Variants in MAP7 observed in about 807,000 individuals in gnomAD.
The protein encoded by MAP7 is ensconsin.
Under a neutral mutation model 94.8 loss-of-function variants are expected in MAP7, and 52 were observed. The observed-to-expected ratio is 0.55, with a 90% CI of 0.44 to 0.69. The LOEUF (loss-of-function observed/expected upper bound fraction) is 0.69, where lower values mean the gene tolerates loss of function less well. Among genes scored for constraint, MAP7 ranks in the 30% least tolerant of loss-of-function variants. The probability of loss-of-function intolerance (pLI) is 0.00; values close to 1 mark genes in which losing one functional copy is unlikely to be tolerated. For missense variants in MAP7, 940 were observed against 964.6 expected (o/e 0.97, Z 0.34); for synonymous variants, 350 against 357.0 (o/e 0.98, Z 0.22).
At chr6:136,476,072 C>T (rs1583020709) in intron 1 of MAP7, 1 of 152,162 alleles carries the variant, frequency 6.6e-6, no homozygotes, top group Non-Finnish European at 1.5e-5. Context: ...GCAGAAAGCT[C>T]GTGGGGCAAT....
At chr6:136,496,861 G>A (rs915619013) in intron 1 of MAP7, among the ~76,000 whole-genome samples, 1 of 150,962 alleles carries the variant, frequency 6.6e-6, no homozygotes, top group African/African-American at 2.4e-5. Context: ...GGCTGAGGCA[G>A]AAGAATTGCT....
intron 16 of MAP7, among the ~76,000 whole-genome samples, chr6:136,349,803 G>A (rs1582631042): frequency 6.6e-6 from 1 of 152,120 alleles, no homozygotes; most frequent in African/African-American, 2.4e-5. Context: ...TGGCTTTGGG[G>A]CAAAGGGGCC....
At chr6:136,505,289 A>G (rs1277360569) in intron 1 of MAP7, among the ~76,000 whole-genome samples, 7 of 125,378 alleles carry the variant, frequency 5.6e-5, no homozygotes, top group African/African-American at 2.2e-4. Context: ...ATATATATAT[A>G]TATATATATA....
intron 1 of MAP7, among the ~76,000 whole-genome samples, chr6:136,478,979 C>CAAAAAAAAAAAAAAAAAAAAGAAAAAAA (rs59319740): frequency 4.4e-5 from 2 of 45,524 alleles, no homozygotes; most frequent in Non-Finnish European, 6.3e-5. Context: ...ACAGACACAT[C>CAAAAAAAAAAAAAAAAAAAAGAAAAAAA]AAAAAAAAAA....
intron 15 of MAP7, among the ~76,000 whole-genome samples, 173 bp downstream of exon 15, chr6:136,359,647 T>C (rs1313775592): frequency 3.3e-5 from 5 of 152,126 alleles, no homozygotes; most frequent in Non-Finnish European, 7.4e-5. Context: ...GTAGAAACAC[T>C]AGACAGTTTT....
intron 3 of MAP7, among the ~76,000 whole-genome samples, chr6:136,397,455 G>A (rs954680010): frequency 9.9e-5 from 15 of 152,058 alleles, no homozygotes; most frequent in Admixed American, 7.2e-4. Context: ...TTGAATACAC[G>A]AAAAAATTCA....
intron 1 of MAP7, among the ~76,000 whole-genome samples, chr6:136,459,352 T>C (rs1804420776): frequency 6.6e-6 from 1 of 151,888 alleles, no homozygotes. Flanking sequence ...AGTATAAAGG[T>C]TCCTCAAAAA....
chr6:136,463,379 G>T (rs1805897081), intron 1 of MAP7, among the ~76,000 whole-genome samples: 1 of 152,184 alleles, frequency 6.6e-6, no homozygotes, highest in Admixed American at 6.5e-5. Flanking sequence ...GAGGCTCAAA[G>T]AAGTAATTTG....
chr6:136,494,380 G>C (rs1038986569), intron 1 of MAP7, among the ~76,000 whole-genome samples: 1 of 152,056 alleles, frequency 6.6e-6, no homozygotes, highest in Non-Finnish European at 1.5e-5. Context: ...AGTTATTTTA[G>C]CAAACATATT....
chr6:136,477,973 T>C (rs1028415466), intron 1 of MAP7, among the ~76,000 whole-genome samples: 1 of 152,248 alleles, frequency 6.6e-6, no homozygotes, highest in Non-Finnish European at 1.5e-5. Flanking sequence ...CTGATCACAA[T>C]AGAATAAAAC....
At chr6:136,443,394 C>T (rs777739535) in intron 1 of MAP7, among the ~76,000 whole-genome samples, 3 of 150,556 alleles carry the variant, frequency 2.0e-5, no homozygotes, top group Non-Finnish European at 4.4e-5. Flanking sequence ...AAGCAGTTTC[C>T]AGATTCTTTC....
intron 16 of MAP7, among the ~76,000 whole-genome samples, chr6:136,350,267 T>G (rs1442787825): frequency 6.6e-6 from 1 of 152,138 alleles, no homozygotes; most frequent in Non-Finnish European, 1.5e-5. Flanking sequence ...GATCTATAAC[T>G]CTACTTGAGG....
At chr6:136,352,272 C>T (rs946180160) in intron 16 of MAP7, among the ~76,000 whole-genome samples, 4 of 151,108 alleles carry the variant, frequency 2.6e-5, no homozygotes, top group South Asian at 2.1e-4. Flanking sequence ...ACTGCAGCCT[C>T]GACCTCCTGA....
At chr6:136,505,283 A>G (rs1393850706) in intron 1 of MAP7, among the ~76,000 whole-genome samples, 89 of 116,796 alleles carry the variant, frequency 7.6e-4, no homozygotes, top group African/African-American at 3.0e-3. Flanking sequence ...GTGTGTATAT[A>G]TATATATATA....
chr6:136,432,089 T>TA lies in MAP7; in HGVS notation c.68-10291dup, dbSNP rs1795097057. 2.6e-5 allele frequency among the ~76,000 whole-genome samples: 4 copies of TA among 152,322 alleles called. No homozygotes were observed. In the South Asian group the frequency reaches 8.3e-4, roughly 32 times the overall value. On this transcript the variant is annotated intron_variant, in intron 1 of 17. Transcript: ENST00000354570. ...ACAGAGACTCAGGCCCTGACATCTTTAAGTTGCTGGTCTAGTATCAGCAAC... is the reference window on the plus strand; with the variant it reads ...ACAGAGACTCAGGCCCTGACATCTTTAAAGTTGCTGGTCTAGTATCAGCAAC...
intron 1 of MAP7, among the ~76,000 whole-genome samples, chr6:136,549,254 T>A (rs1829954769): frequency 6.6e-6 from 1 of 152,148 alleles, no homozygotes; most frequent in South Asian, 2.1e-4. Flanking sequence ...ATTGTGACCG[T>A]ATGGAAGTGG....
rs551849349 is a variant in MAP7 at position 136,501,768 on chromosome 6, T to C, written c.67+48574A>G. 1.4e-3 allele frequency among the ~76,000 whole-genome samples: 217 copies of C among 152,216 alleles called. 1 individual carries two copies. Among genetic ancestry groups the C allele is most frequent in the Non-Finnish European group, 2.6e-3 (176 of 68,008 alleles). On this transcript the variant is annotated intron_variant, in intron 1 of 17. Transcript: ENST00000354570. ...GAGAGAATAGACAGATCCACCATGGTTTGCTCACATGCAGCTCTCAGATAA... is the reference window on the plus strand; with the variant it reads ...GAGAGAATAGACAGATCCACCATGGCTTGCTCACATGCAGCTCTCAGATAA...
chr6:136,488,485 G>A (rs1815489520), intron 1 of MAP7, among the ~76,000 whole-genome samples: 1 of 135,658 alleles, frequency 7.4e-6, no homozygotes, highest in Non-Finnish European at 1.5e-5. Context: ...TTGCTCTGTT[G>A]CCAGGCTGGA....
intron 1 of MAP7, among the ~76,000 whole-genome samples, chr6:136,463,988 C>T (rs1033593223): frequency 2.0e-5 from 3 of 152,144 alleles, no homozygotes; most frequent in Non-Finnish European, 4.4e-5. Context: ...ACCACATGAC[C>T]TTCATTGTGT....
Sources: gnomAD v4.1 joint callset for allele counts (sites outside exome capture counted in the v4.1 genomes callset) on GRCh38, gnomAD v4.1.1 for gene constraint, MANE v1.5 for transcripts, NCBI Gene and HGNC (gene_info 2026-07-23, HGNC 2026-07-21) for gene names.